SRGAP1: variants seen among roughly 807,000 people sequenced by gnomAD.
SRGAP1 encodes SLIT-ROBO Rho GTPase-activating protein 1.
SRGAP1 carries 43 observed loss-of-function variants against 121.9 expected under a neutral mutation model. The observed-to-expected ratio is 0.35, with a 90% CI of 0.28 to 0.46. The LOEUF is 0.46. SRGAP1 is among the 20% of genes least tolerant of loss of function. The probability of loss-of-function intolerance (pLI) is 1.00; values close to 1 mark genes in which losing one functional copy is unlikely to be tolerated. For synonymous variants in SRGAP1, 447 were observed against 485.4 expected (o/e 0.92, Z 1.04); for missense variants, 1,102 against 1,350.9 (o/e 0.82, Z 2.89).
chr12:64,055,969 C>G (rs893555025), intron 6 of SRGAP1, among the ~76,000 whole-genome samples: 2 of 152,140 alleles, frequency 1.3e-5, no homozygotes, highest in African/African-American at 4.8e-5. Flanking sequence ...CATCCCTAAC[C>G]AGATGTCTAA....
chr12:64,119,502 T>A (rs1052151316), intron 18 of SRGAP1, among the ~76,000 whole-genome samples: 6 of 152,252 alleles, frequency 3.9e-5, no homozygotes, highest in African/African-American at 1.4e-4. Flanking sequence ...AATATTCCAG[T>A]CCATGAACAT....
intron 1 of SRGAP1, among the ~76,000 whole-genome samples, chr12:63,869,495 C>T (rs1804326561): frequency 1.3e-5 from 2 of 152,032 alleles, no homozygotes; most frequent in Admixed American, 6.6e-5. Context: ...TTCTTTCCTT[C>T]CTTTCAACAG....
intron 21 of SRGAP1, among the ~76,000 whole-genome samples, chr12:64,138,061 C>G (rs1030111471): frequency 2.1e-4 from 32 of 151,716 alleles, no homozygotes; most frequent in African/African-American, 7.0e-4. Flanking sequence ...TGTGAAACAT[C>G]TCTCCAGACT....
At position 64,115,832 on chromosome 12, in the gene SRGAP1, G is replaced by A; in HGVS notation, c.2163G>A (p.Glu721=). 3 of 1,613,584 alleles carry A rather than the reference G, an allele frequency of 1.9e-6. No homozygotes were observed. The highest frequency in any genetic ancestry group is 2.2e-5 in the East Asian group (1 of 44,854). ...TCTACAGCGACAGCCCATACAGTGA[G>A]CACGGTACATTGGAGGAAGTGGACC... ...GDDYCDSPYS[E]HGTLEEVDQD... is the part of the protein sequence containing the mutation. The change falls in exon 18 of 22, where the codon GAG becomes GAA. Residue 721 remains glutamate (E), a synonymous_variant. Coordinates refer to ENST00000355086, the MANE Select transcript of SRGAP1 (RefSeq NM_020762.4).
intron 1 of SRGAP1, among the ~76,000 whole-genome samples, chr12:63,870,720 A>G (rs573620082): frequency 8.2e-4 from 124 of 151,920 alleles, no homozygotes; most frequent in Middle Eastern, 3.4e-3. Flanking sequence ...TTGTATTTTT[A>G]GTAGAGATGG....
chr12:64,141,056 G>C (rs993753322), intron 21 of SRGAP1, among the ~76,000 whole-genome samples: 1 of 135,894 alleles, frequency 7.4e-6, no homozygotes, highest in Non-Finnish European at 1.5e-5. Context: ...CTCACTCATA[G>C]GTGGGAATTG....
intron 4 of SRGAP1, among the ~76,000 whole-genome samples, chr12:64,038,147 GGT>G (rs1188253826): frequency 6.6e-6 from 1 of 152,062 alleles, no homozygotes; most frequent in African/African-American, 2.4e-5. Context: ...GAAGAATAAA[GGT>G]ACTTATTTCA....
chr12:64,032,234 C>T (rs1593061899), intron 4 of SRGAP1, among the ~76,000 whole-genome samples: 1 of 152,174 alleles, frequency 6.6e-6, no homozygotes, highest in African/African-American at 2.4e-5. Context: ...ATCTCAGGTT[C>T]TACACAGGAA....
chr12:64,070,156 A>G (rs987231317), intron 8 of SRGAP1, among the ~76,000 whole-genome samples: 4 of 152,222 alleles, frequency 2.6e-5, no homozygotes, highest in African/African-American at 9.6e-5. Context: ...TGTCTGCTTT[A>G]TCAAAGTTTG....
chr12:64,069,470 C>G (rs2035601989), intron 8 of SRGAP1, among the ~76,000 whole-genome samples: 1 of 152,154 alleles, frequency 6.6e-6, no homozygotes, highest in Non-Finnish European at 1.5e-5. Flanking sequence ...AACTTGCACC[C>G]TTGGTACCTC....
At chr12:63,941,758 A>G (rs1367564708) in intron 1 of SRGAP1, among the ~76,000 whole-genome samples, 1 of 151,946 alleles carries the variant, frequency 6.6e-6, no homozygotes, top group Non-Finnish European at 1.5e-5. Context: ...CTGATATATT[A>G]CATTTTGTGG....
intron 1 of SRGAP1, among the ~76,000 whole-genome samples, chr12:63,889,919 G>A (rs189920890): frequency 0.026 from 3,997 of 151,386 alleles, 88 homozygotes; most frequent in African/African-American, 0.057. Flanking sequence ...AAAAAAAAAA[G>A]AAAGAAAAAG....
chr12:64,063,834 G>A (rs1288146714), intron 7 of SRGAP1, among the ~76,000 whole-genome samples: 1 of 151,866 alleles, frequency 6.6e-6, no homozygotes, highest in Non-Finnish European at 1.5e-5. Flanking sequence ...GTGACAGTCT[G>A]TTTTTCCAAA....
intron 8 of SRGAP1, among the ~76,000 whole-genome samples, chr12:64,067,000 G>A (rs377334503): frequency 6.6e-6 from 1 of 151,256 alleles, no homozygotes; most frequent in East Asian, 1.9e-4. Context: ...TGTTTTGTTT[G>A]GCTCCCAAAG....
intron 8 of SRGAP1, among the ~76,000 whole-genome samples, chr12:64,075,049 G>C (rs2035709689): frequency 6.6e-6 from 1 of 152,166 alleles, no homozygotes; most frequent in African/African-American, 2.4e-5. Context: ...TAACCCAGCG[G>C]CGCTAGAGAA....
chr12:63,978,527 A>T (rs1369046536), intron 1 of SRGAP1, among the ~76,000 whole-genome samples: 1 of 152,202 alleles, frequency 6.6e-6, no homozygotes, highest in Admixed American at 6.5e-5. Context: ...CATGTTGTAA[A>T]TAAGTACTTC....
intron 15 of SRGAP1, among the ~76,000 whole-genome samples, chr12:64,101,149 T>C (rs1417578093): frequency 6.6e-6 from 1 of 152,218 alleles, no homozygotes; most frequent in Admixed American, 6.5e-5. Context: ...TCTTGTAGCA[T>C]TGCTGTAATT....
chr12:63,896,228 T>A (rs190138322), intron 1 of SRGAP1, among the ~76,000 whole-genome samples: 1 of 152,324 alleles, frequency 6.6e-6, no homozygotes, highest in East Asian at 1.9e-4. Context: ...ACTTAGTAAG[T>A]TCCTTATAAA....
intron 8 of SRGAP1, among the ~76,000 whole-genome samples, chr12:64,067,216 A>G (rs1402143094): frequency 1.3e-5 from 2 of 152,142 alleles, no homozygotes; most frequent in African/African-American, 4.8e-5. Flanking sequence ...CTTTTTAGGC[A>G]TAATGTGGAG....
Sources: gnomAD v4.1 joint callset for allele counts (sites outside exome capture counted in the v4.1 genomes callset) on GRCh38, gnomAD v4.1.1 for gene constraint, MANE v1.5 for transcripts, NCBI Gene and HGNC (gene_info 2026-07-23, HGNC 2026-07-21) for gene names.